Variants in MGAM observed in about 807,000 individuals in gnomAD.
MGAM encodes maltase-glucoamylase, also known as alpha-1,4-glucosidase.
In MGAM, 253 loss-of-function variants were observed where a neutral mutation model predicts 358.8. The ratio of observed to expected loss-of-function variants is 0.71; its 90% CI spans 0.64 to 0.78. The LOEUF (loss-of-function observed/expected upper bound fraction) is 0.78. MGAM is among the 30% of genes least tolerant of loss of function. MGAM has a pLI of 0.00. For missense variants in MGAM, 3,080 were observed against 3,432.6 expected (o/e 0.90, Z 2.57); for synonymous variants, 1,105 against 1,227.1 (o/e 0.90, Z 2.08).
At chr7:142,085,729 C>T in intron 54 of MGAM, 104 bp from the exon 55 acceptor site, 1 of 1,375,264 alleles carries the variant, frequency 7.3e-7, no homozygotes, top group South Asian at 1.5e-5. Flanking sequence ...AAAGCATCAA[C>T]AAGAAGCTAT....
upstream of MGAM, among the ~76,000 whole-genome samples, chr7:141,995,327 C>T (rs1554448396): frequency 2.0e-5 from 3 of 151,914 alleles, no homozygotes; most frequent in Admixed American, 6.6e-5. Context: ...TTAGATTTCT[C>T]TTATTTATAG....
At chr7:142,053,683 C>T (rs1336546282) in intron 26 of MGAM, among the ~76,000 whole-genome samples, 8 of 152,152 alleles carry the variant, frequency 5.3e-5, no homozygotes, top group Admixed American at 5.2e-4. Flanking sequence ...CTGAAATCTA[C>T]AGAGCCTGGC....
At chr7:142,030,872 T>C (rs1282646014) in intron 12 of MGAM, 115 bp downstream of exon 12, 1 of 695,542 alleles carries the variant, frequency 1.4e-6, no homozygotes, top group Non-Finnish European at 2.5e-6. Context: ...ATTTTCAGTA[T>C]ATTTATATAT....
At chr7:142,006,445 T>C (rs1805173702) in intron 2 of MGAM, among the ~76,000 whole-genome samples, 2 of 152,294 alleles carry the variant, frequency 1.3e-5, no homozygotes, top group South Asian at 4.1e-4. Context: ...CAGATGTTAC[T>C]GCTCTTTGGC....
intron 14 of MGAM, among the ~76,000 whole-genome samples, chr7:142,033,224 C>T (rs1477842129): frequency 2.0e-5 from 3 of 152,088 alleles, no homozygotes; most frequent in Non-Finnish European, 4.4e-5. Flanking sequence ...CAGGTATGCA[C>T]CCACAGGCCA....
At position 142,059,454 on chromosome 7, in the gene MGAM, C is replaced by A; in HGVS notation, c.3820-18C>A. 6.2e-7 allele frequency: 1 copy of A among 1,603,016 alleles called. No homozygotes were observed. The highest frequency in any genetic ancestry group is 8.5e-7 in the Non-Finnish European group (1 of 1,173,058). ...CGTGTACAGCAGCAGCCTCTCAGCTCCCCATGTCCTCCCGCAGGATGTGCA... is the reference window on the plus strand; with the variant it reads ...CGTGTACAGCAGCAGCCTCTCAGCTACCCATGTCCTCCCGCAGGATGTGCA... On this transcript the variant is annotated intron_variant, in intron 31 of 70. Coordinates refer to ENST00000475668, the MANE Select transcript of MGAM (RefSeq NM_001365693.1).
At chr7:141,992,020 G>T (rs1342510419), upstream of MGAM, among the ~76,000 whole-genome samples, 1 of 152,138 alleles carries the variant, frequency 6.6e-6, no homozygotes, top group East Asian at 1.9e-4. Context: ...ATGAATGACT[G>T]CCTGCTATGT....
intron 53 of MGAM, among the ~76,000 whole-genome samples, chr7:142,083,903 A>G (rs1196464479): frequency 7.5e-6 from 1 of 133,302 alleles, no homozygotes; most frequent in African/African-American, 3.0e-5. Context: ...GGTGGTGGCT[A>G]TGGTGGTGGT....
Position 142,042,009 on chromosome 7 carries a change from A to T in MGAM, c.2498+1163A>T, listed in dbSNP as rs1490112493. On this transcript the variant is annotated intron_variant, in intron 21 of 70. Transcript: ENST00000475668. ...TATAATATATATATATTATATATAT[A>T]ATATAATATATATATATTATATTAT... 3.0e-3 allele frequency among the ~76,000 whole-genome samples: 48 copies of T among 16,128 alleles called. 7 individuals are homozygous for T. The highest frequency in any genetic ancestry group is 7.9e-3 in the African/African-American group (46 of 5,788). The allele number at this position is 16,128 out of a possible 152,430, so 10.6% of individuals were successfully genotyped here.
intron 21 of MGAM, among the ~76,000 whole-genome samples, chr7:142,046,347 G>C (rs1187451333): frequency 6.6e-6 from 1 of 151,690 alleles, no homozygotes; most frequent in Non-Finnish European, 1.5e-5. Context: ...ATTACCTTGT[G>C]TGCTTGGTGA....
intron 64 of MGAM, 95 bp downstream of exon 64, chr7:142,095,808 C>A: frequency 6.5e-7 from 1 of 1,548,596 alleles, no homozygotes; most frequent in Non-Finnish European, 8.8e-7. Context: ...ACATGATTGC[C>A]TTTTGACATG....
At position 142,105,813 on chromosome 7, in the gene MGAM, G is replaced by A. The variant is rs750091826; in HGVS notation, c.8185-1G>A. ...AATTCTTTTCCTTTGGTTCCTAACA[G>A]GTATTAAGCATCGATGTGACTGACA... On this transcript the variant is annotated splice_acceptor_variant, in intron 70 of 70. Coordinates refer to ENST00000475668, the MANE Select transcript of MGAM (RefSeq NM_001365693.1). LOFTEE classifies it high-confidence loss of function. 6.2e-7 allele frequency: 1 copy of A among 1,611,830 alleles called. No individual in the cohort carries two copies. The highest frequency in any genetic ancestry group is 1.1e-5 in the South Asian group (1 of 91,012).
In MGAM at chr7:142,093,895, C is replaced by T. The variant is rs1405503446; in HGVS notation, c.7172+345C>T. ...AGGGAACACAGAGGACTGGGCATCT[C>T]TCCCCTTTATTTCAAAGTGAATCAT... On this transcript the variant is annotated intron_variant, in intron 60 of 70. Coordinates refer to ENST00000475668, the MANE Select transcript of MGAM (RefSeq NM_001365693.1). Among the ~76,000 whole-genome samples the T allele has an allele frequency of 1.5e-4, 22 of 145,522 alleles. 4 individuals carry two copies. In the Admixed American group the frequency reaches 1.5e-3, roughly 10 times the overall value.
chr7:142,029,587 A>G (rs918962361), intron 10 of MGAM, among the ~76,000 whole-genome samples: 1 of 152,182 alleles, frequency 6.6e-6, no homozygotes, highest in Non-Finnish European at 1.5e-5. Flanking sequence ...GAGTGTTTAG[A>G]CAGGGAATTG....
At chr7:142,097,107 T>A (rs73153998) in intron 65 of MGAM, among the ~76,000 whole-genome samples, 13,612 of 151,992 alleles carry the variant, frequency 0.09, 853 homozygotes, top group Non-Finnish European at 0.14. Context: ...TTAAATTTTT[T>A]TTTTTATTTT....
At chr7:142,093,660 C>A (rs1815616047) in intron 60 of MGAM, 110 bp downstream of exon 60, 1 of 1,162,296 alleles carries the variant, frequency 8.6e-7, no homozygotes, top group Non-Finnish European at 1.2e-6. Flanking sequence ...TAAGAAGATT[C>A]TCATGACAAC....
rs756025285 is a variant in MGAM at position 142,082,534 on chromosome 7, T to A, written c.6231T>A (p.Ser2077Arg). ...PYYMGLEEDG[S>R]AHGVLLLNSN... ...ACATGGGGCTAGAGGAGGATGGCAG[T>A]GCCCATGGAGTGCTCCTGCTGAACA... The change falls in exon 52 of 71, where the codon AGT (serine) becomes AGA (arginine). Residue 2077 changes from serine to arginine, a missense_variant. Physicochemically the swap from Ser to Arg is moderately radical, Grantham distance 110 (BLOSUM62 -1). This residue lies in a region of MGAM where 932 missense variants were observed against 1,198.2 expected (regional missense o/e 0.78). Transcript: ENST00000475668. 2.0e-6 allele frequency: 3 copies of A among 1,532,046 alleles called. 1 individual carries two copies. In the East Asian group the frequency reaches 7.0e-5, roughly 36 times the overall value. The allele number at this position is 1,532,046 out of a possible 1,614,324, so 94.9% of individuals were successfully genotyped here. A position where few individuals can be genotyped will look rare whatever the true frequency, so the allele number is the denominator to read the frequency against.
rs757781926 is a variant in MGAM at position 142,084,811 on chromosome 7, T to C, written c.6507+167T>C. Among the ~76,000 whole-genome samples, 8 of 146,374 alleles carry C rather than the reference T, an allele frequency of 5.5e-5. 1 individual carries two copies. The highest frequency in any genetic ancestry group is 1.1e-4 in the Non-Finnish European group (7 of 64,630). On this transcript the variant is annotated intron_variant, in intron 54 of 70. Transcript: ENST00000475668. ...ACAGTAATAGAGGTAAGGGCCCTTG[T>C]TTCCATCTTCTAGAGATGATAGCTC...
chr7:142,081,169 T>C (rs1419056941), intron 50 of MGAM, among the ~76,000 whole-genome samples: 1 of 146,518 alleles, frequency 6.8e-6, no homozygotes, highest in Admixed American at 6.9e-5. Context: ...CAAATGTTTA[T>C]GGGGTGCCTT....
Sources: allele counts gnomAD v4.1 joint callset (sites outside exome capture counted in the v4.1 genomes callset), GRCh38; gene constraint gnomAD v4.1.1; regional missense constraint gnomAD v4.1.1; transcripts MANE v1.5; gene names NCBI Gene and HGNC (gene_info 2026-07-23, HGNC 2026-07-21).